The following ACCSL variants were observed in gnomAD, a reference collection of about 807,000 sequenced individuals.
The protein encoded by ACCSL is 1-aminocyclopropane-1-carboxylate synthase homolog (inactive) like.
ACCSL carries 55 observed loss-of-function variants against 61.7 expected under a neutral mutation model. That is an observed-to-expected ratio of 0.89 (90% CI 0.72 to 1.12). The LOEUF (loss-of-function observed/expected upper bound fraction) is 1.12. Ranked by LOEUF, ACCSL falls within the 50% of genes most tolerant of loss-of-function variation. The pLI is 0.00. For missense variants in ACCSL, 632 were observed against 698.0 expected (o/e 0.91, Z 1.07); for synonymous variants, 258 against 264.3 (o/e 0.98, Z 0.23).
chr11:43,998,154 T>C, the ACCSL span, among the ~76,000 whole-genome samples: 1 of 152,186 alleles, frequency 6.6e-6, no homozygotes, highest in African/African-American at 2.4e-5. Flanking sequence ...GTTGTGGAGA[T>C]GGTTGAATGA....
At chr11:43,972,528 C>T in the ACCSL span, among the ~76,000 whole-genome samples, 1 of 152,176 alleles carries the variant, frequency 6.6e-6, no homozygotes, top group South Asian at 2.1e-4. Context: ...CTAAAAATGA[C>T]AGCTATGCTT....
At chr11:43,990,974 G>C in the ACCSL span, among the ~76,000 whole-genome samples, 2 of 152,074 alleles carry the variant, frequency 1.3e-5, no homozygotes, top group Non-Finnish European at 1.5e-5. Flanking sequence ...GGGAGGCTGA[G>C]GCAGGAGAAT....
chr11:44,013,812 T>TGTAAAAA, the ACCSL span, among the ~76,000 whole-genome samples: 3 of 151,874 alleles, frequency 2.0e-5, no homozygotes, highest in South Asian at 4.2e-4. Context: ...AAGACTTGAA[T>TGTAAAAA]GTAAAAAGTA....
chr11:43,949,536 C>T, the ACCSL span, among the ~76,000 whole-genome samples: 1 of 151,984 alleles, frequency 6.6e-6, no homozygotes, highest in Non-Finnish European at 1.5e-5. Flanking sequence ...ACTTACTGGC[C>T]GGGCATGGTG....
At chr11:43,934,313 G>GC in the ACCSL span, among the ~76,000 whole-genome samples, 1 of 152,028 alleles carries the variant, frequency 6.6e-6, no homozygotes, top group Non-Finnish European at 1.5e-5. Flanking sequence ...TGTGTGGAGG[G>GC]CCCCCTGGGG....
chr11:44,012,248 G>T, the ACCSL span, among the ~76,000 whole-genome samples: 1 of 151,856 alleles, frequency 6.6e-6, no homozygotes, highest in Non-Finnish European at 1.5e-5. Flanking sequence ...GGAGAAACAG[G>T]CTCTCTTATA....
chr11:43,951,348 CT>C, the ACCSL span, among the ~76,000 whole-genome samples: 1 of 152,168 alleles, frequency 6.6e-6, no homozygotes, highest in Non-Finnish European at 1.5e-5. Context: ...TGGAGCCAGG[CT>C]AGATGAATGG....
Position 44,050,051 on chromosome 11 carries a change from TC to T in ACCSL, c.505-9del. On this transcript the variant is annotated splice_polypyrimidine_tract_variant and intron_variant, in intron 1 of 13. Transcript: ENST00000378832. ...AGGACTGACCTGATCTTGGATTCCT[TC>T]CATCTCCAGGGTTTCATTAACCTTG... The T allele has an allele frequency of 6.2e-7, 1 of 1,614,146 alleles. No individual in the cohort carries two copies. Among genetic ancestry groups the T allele is most frequent in the Non-Finnish European group, 8.5e-7 (1 of 1,180,000 alleles).
At chr11:44,017,504 G>A in the ACCSL span, among the ~76,000 whole-genome samples, 1 of 152,190 alleles carries the variant, frequency 6.6e-6, no homozygotes, top group African/African-American at 2.4e-5. Flanking sequence ...TAGCCCCTGG[G>A]TGGCCCATTT....
the ACCSL span, among the ~76,000 whole-genome samples, chr11:43,988,806 CTTTTTTTTTT>C: frequency 1.8e-3 from 177 of 97,214 alleles, no homozygotes; most frequent in Middle Eastern, 5.7e-3. Flanking sequence ...ATTCTCTCTT[CTTTTTTTTTT>C]TTTTTTTTTT....
At chr11:43,943,484 G>A in the ACCSL span, 1 of 1,395,302 alleles carries the variant, frequency 7.2e-7, no homozygotes, top group Non-Finnish European at 9.5e-7. This position sits in a 1 kb window ranked among gnomAD's most constrained non-coding sequence, Gnocchi z 4.8. Flanking sequence ...GAGCGGGGCC[G>A]CTTTCCTCGT....
chr11:43,943,921 C>G, the ACCSL span: 6 of 1,160,976 alleles, frequency 5.2e-6, no homozygotes, highest in Non-Finnish European at 6.6e-6. This position sits in a 1 kb window ranked among gnomAD's most constrained non-coding sequence, Gnocchi z 4.8. Context: ...CTTCGGGGTC[C>G]AGGCTCCCAA....
chr11:43,926,380 G>T, the ACCSL span: 1 of 348,684 alleles, frequency 2.9e-6, no homozygotes, highest in Non-Finnish European at 5.7e-6. Flanking sequence ...AAGGGTCGCC[G>T]ACCAGGCTCA....
chr11:44,001,638 G>A, the ACCSL span, among the ~76,000 whole-genome samples: 14 of 152,002 alleles, frequency 9.2e-5, no homozygotes, highest in East Asian at 1.4e-3. Context: ...AGCAAAATAC[G>A]AGATCCTGCC....
intron 5 of ACCSL, among the ~76,000 whole-genome samples, chr11:44,052,356 C>T (rs11037847): frequency 6.6e-6 from 1 of 152,206 alleles, no homozygotes; most frequent in African/African-American, 2.4e-5. Context: ...TCCTGATAAC[C>T]ATTGCTCCAT....
chr11:44,052,253 A>G (rs1952644080), intron 5 of ACCSL, among the ~76,000 whole-genome samples: 1 of 152,266 alleles, frequency 6.6e-6, no homozygotes, highest in African/African-American at 2.4e-5. Flanking sequence ...GGATGGGAAG[A>G]AAAGAACGTG....
At chr11:43,987,609 T>TC in the ACCSL span, among the ~76,000 whole-genome samples, 1 of 151,484 alleles carries the variant, frequency 6.6e-6, no homozygotes, top group Non-Finnish European at 1.5e-5. Flanking sequence ...CCCCCAAGCC[T>TC]CCCCCACAGC....
chr11:43,943,576 C>A, the ACCSL span: 1 of 1,313,054 alleles, frequency 7.6e-7, no homozygotes, highest in Non-Finnish European at 1.0e-6. The surrounding 1 kb of genome is among the most constrained non-coding windows in gnomAD (Gnocchi z 4.8). Flanking sequence ...CGCGCTGAGT[C>A]GGCGGCGGGT....
chr11:44,004,911 T>A, the ACCSL span, among the ~76,000 whole-genome samples: 7 of 152,266 alleles, frequency 4.6e-5, no homozygotes, highest in Admixed American at 1.3e-4. Flanking sequence ...ATCGAGGGGA[T>A]GCAACTTCCT....
Sources: gnomAD v4.1 joint callset for allele counts (sites outside exome capture counted in the v4.1 genomes callset) on GRCh38, gnomAD v4.1.1 for gene constraint, Gnocchi (gnomAD v3.1) non-coding constraint, MANE v1.5 for transcripts, NCBI Gene and HGNC (gene_info 2026-07-23, HGNC 2026-07-21) for gene names.